Variants in HNMT observed in about 807,000 individuals in gnomAD.
The protein encoded by HNMT is histamine N-methyltransferase.
Under a neutral mutation model 32.1 loss-of-function variants are expected in HNMT, and 30 were observed. The ratio of observed to expected loss-of-function variants is 0.93; its 90% CI spans 0.70 to 1.27. The LOEUF is 1.27. Ranked by LOEUF, HNMT falls within the 50% of genes most tolerant of loss-of-function variation. The pLI is 0.00. For missense variants in HNMT, 327 were observed against 346.0 expected (o/e 0.95, Z 0.43); for synonymous variants, 125 against 119.0 (o/e 1.05, Z -0.33).
chr2:137,966,887 C>A (rs1259072331), intron 1 of HNMT, among the ~76,000 whole-genome samples: 1 of 152,116 alleles, frequency 6.6e-6, no homozygotes, highest in Non-Finnish European at 1.5e-5. Flanking sequence ...GATTCTATAT[C>A]TCATGCCTTT....
At chr2:138,008,375 T>C (rs1216813908) in intron 5 of HNMT, among the ~76,000 whole-genome samples, 1 of 152,034 alleles carries the variant, frequency 6.6e-6, no homozygotes, top group Non-Finnish European at 1.5e-5. Flanking sequence ...ACATTTTCTT[T>C]AACCACTCTG....
intron 2 of HNMT, among the ~76,000 whole-genome samples, chr2:137,995,217 C>T (rs1680954024): frequency 6.6e-6 from 1 of 151,490 alleles, no homozygotes. Context: ...AAAAAAAAAT[C>T]AATGAGTCCA....
intron 2 of HNMT, chr2:137,981,160 T>G: frequency 6.4e-7 from 1 of 1,555,432 alleles, no homozygotes; most frequent in African/African-American, 1.4e-5. Context: ...TAGGCTGAAA[T>G]CGAATGGCAG....
chr2:138,004,107 T>G lies in HNMT; in HGVS notation c.430-1025T>G, dbSNP rs142534316. On this transcript the variant is annotated intron_variant, in intron 4 of 5. Coordinates refer to ENST00000280097, the MANE Select transcript of HNMT (RefSeq NM_006895.3). ...CAACCTCACTGTCAATTCAGAAAATTTCACTGTCTTTGAGAAAAATTTAAG... is the reference window on the plus strand; with the variant it reads ...CAACCTCACTGTCAATTCAGAAAATGTCACTGTCTTTGAGAAAAATTTAAG... Among the ~76,000 whole-genome samples, 114 of 136,112 alleles carry G rather than the reference T, an allele frequency of 8.4e-4. 1 individual carries two copies. The East Asian group carries it at 0.024, about 28-fold the overall frequency. The allele number at this position is 136,112 out of a possible 152,430, so 89.3% of individuals were successfully genotyped here.
chr2:137,997,002 A>T (rs1681017484), intron 2 of HNMT, among the ~76,000 whole-genome samples: 1 of 152,192 alleles, frequency 6.6e-6, no homozygotes, highest in Non-Finnish European at 1.5e-5. Context: ...CCTTCCTTAC[A>T]CCTTATAACA....
At chr2:137,969,483 C>T (rs1267516873) in intron 1 of HNMT, among the ~76,000 whole-genome samples, 3 of 152,246 alleles carry the variant, frequency 2.0e-5, no homozygotes, top group South Asian at 2.1e-4. Context: ...TCTCAGCTTC[C>T]TTTTTGGCAT....
intron 5 of HNMT, among the ~76,000 whole-genome samples, chr2:138,009,079 T>G (rs1316172968): frequency 6.6e-6 from 1 of 151,940 alleles, no homozygotes; most frequent in East Asian, 1.9e-4. Context: ...CATTAAAACG[T>G]GGGCAAAGGA....
At chr2:137,998,773 C>A (rs918326876) in intron 2 of HNMT, among the ~76,000 whole-genome samples, 30 of 152,280 alleles carry the variant, frequency 2.0e-4, no homozygotes, top group Admixed American at 1.7e-3. Flanking sequence ...GAGGAGAGCT[C>A]ATCAAGCCCT....
intron 2 of HNMT, among the ~76,000 whole-genome samples, chr2:137,970,919 CAAAAAAA>C (rs1179144967): frequency 5.5e-5 from 1 of 18,348 alleles, no homozygotes; most frequent in Admixed American, 8.1e-4. Flanking sequence ...GACTACGTCT[CAAAAAAA>C]AAAAAAAAAA....
At chr2:138,008,608 C>G (rs1015072851) in intron 5 of HNMT, among the ~76,000 whole-genome samples, 3 of 151,820 alleles carry the variant, frequency 2.0e-5, no homozygotes, top group Non-Finnish European at 2.9e-5. Context: ...ATAGAGAGAC[C>G]AGAAATAAGG....
intron 1 of HNMT, among the ~76,000 whole-genome samples, chr2:137,966,065 G>C (rs892240484): frequency 1.3e-5 from 2 of 152,162 alleles, no homozygotes; most frequent in African/African-American, 4.8e-5. Flanking sequence ...ATAAGATTTA[G>C]CTGAAGGACT....
intron 4 of HNMT, 184 bp downstream of exon 4, chr2:138,002,378 C>G (rs533673540): frequency 9.7e-7 from 1 of 1,028,946 alleles, no homozygotes; most frequent in East Asian, 4.1e-5. Context: ...TTCTCTTTAA[C>G]ATTCCAAAAA....
Position 138,014,153 on chromosome 2 carries a change from C to A in HNMT, c.*23C>A, listed in dbSNP as rs1430643320. 6 of 1,359,802 alleles carry A rather than the reference C, an allele frequency of 4.4e-6. No individual in the cohort carries two copies. In the African/African-American group the frequency reaches 5.8e-5, roughly 13 times the overall value. The allele number at this position is 1,359,802 out of a possible 1,614,324, so 84.2% of individuals were successfully genotyped here. On this transcript the variant is annotated 3_prime_UTR_variant, in exon 6 of 6. Transcript: ENST00000280097. ...TAACTATCAATCACAAAAGTATATT[C>A]AAAAATTATATTTTGAACAACTCGA...
intron 2 of HNMT, among the ~76,000 whole-genome samples, chr2:137,993,879 GA>G (rs886460494): frequency 2.4e-4 from 36 of 149,526 alleles, no homozygotes; most frequent in South Asian, 1.1e-3. Flanking sequence ...CATTCTTAAA[GA>G]AAAAAAAAAT....
At position 138,013,853 on chromosome 2, in the gene HNMT, C is replaced by A. The variant is rs1301293045; in HGVS notation, c.602C>A (p.Ser201Ter). 1.2e-6 allele frequency: 2 copies of A among 1,613,628 alleles called. No homozygotes were observed. The highest frequency in any genetic ancestry group is 1.3e-5 in the African/African-American group (1 of 74,892). Reference protein sequence around the residue: ...PQDDLCQYITSDDLTQMLDNL... With the variant: ...PQDDLCQYIT ...GATGACCTCTGCCAGTATATCACATCAGATGACCTCACTCAGATGCTGGAC... is the reference window on the plus strand; with the variant it reads ...GATGACCTCTGCCAGTATATCACATAAGATGACCTCACTCAGATGCTGGAC... Residue 201 changes from serine to a stop codon, truncating the protein, a stop_gained, in exon 6 of 6, where the codon TCA becomes TAA. Coordinates refer to ENST00000280097, the MANE Select transcript of HNMT (RefSeq NM_006895.3). LOFTEE classifies it high-confidence loss of function.
At chr2:137,987,415 A>G (rs1431583779) in intron 2 of HNMT, among the ~76,000 whole-genome samples, 2 of 152,024 alleles carry the variant, frequency 1.3e-5, no homozygotes, top group Non-Finnish European at 2.9e-5. Flanking sequence ...TTACCCCTGA[A>G]TTTGTTGAGA....
At chr2:137,968,149 G>C (rs1171787131) in intron 1 of HNMT, among the ~76,000 whole-genome samples, 3 of 152,132 alleles carry the variant, frequency 2.0e-5, no homozygotes, top group African/African-American at 7.2e-5. Context: ...CCCTATTTGA[G>C]GGTAGATGGT....
intron 2 of HNMT, among the ~76,000 whole-genome samples, chr2:137,976,239 C>T (rs1010153557): frequency 2.7e-5 from 4 of 146,150 alleles, no homozygotes; most frequent in African/African-American, 1.0e-4. Flanking sequence ...GCACTCCAGC[C>T]TGGGGGACAG....
intron 2 of HNMT, among the ~76,000 whole-genome samples, chr2:137,993,423 G>A (rs1680885684): frequency 6.6e-6 from 1 of 152,082 alleles, no homozygotes; most frequent in African/African-American, 2.4e-5. Flanking sequence ...AGTATCAACT[G>A]ATGAATCAAC....
Sources: allele counts gnomAD v4.1 joint callset (sites outside exome capture counted in the v4.1 genomes callset), GRCh38; gene constraint gnomAD v4.1.1; transcripts MANE v1.5; gene names NCBI Gene and HGNC (gene_info 2026-07-23, HGNC 2026-07-21).